SGCD: variants seen among roughly 807,000 people sequenced by gnomAD.
SGCD encodes delta-sarcoglycan.
In SGCD, 18 loss-of-function variants were observed where a neutral mutation model predicts 36.6. The observed-to-expected ratio is 0.49, with a 90% confidence interval of 0.34 to 0.73. The LOEUF is 0.73. Ranked by LOEUF, SGCD falls within the 30% of genes least tolerant of loss-of-function variation. The pLI, the probability that SGCD is intolerant of heterozygous loss-of-function variation, is 0.01. For synonymous variants in SGCD, 133 were observed against 130.6 expected (o/e 1.02, Z -0.12); for missense variants, 387 against 346.7 (o/e 1.12, Z -0.92).
Position 156,458,449 on chromosome 5 carries a change from C to G in SGCD, c.193-50152C>G. ...CCAATCTGAGGGTCAAACCCTGATT[C>G]CCATCCCCATGGCAGCTCATCCCCA... On this transcript the variant is annotated intron_variant, in intron 3 of 8. Transcript: ENST00000337851. 4 of 1,610,464 alleles carry G rather than the reference C, an allele frequency of 2.5e-6. No individual in the cohort carries two copies. In the Admixed American group the frequency reaches 6.7e-5, roughly 27 times the overall value.
At chr5:156,062,567 T>A (rs1434757847) in intron 1 of SGCD, among the ~76,000 whole-genome samples, 2 of 92,818 alleles carry the variant, frequency 2.2e-5, no homozygotes, top group Admixed American at 1.0e-4. Context: ...AAAGTGTTCC[T>A]ATTTCTCCGC....
chr5:156,086,893 G>A (rs568726226), intron 1 of SGCD, among the ~76,000 whole-genome samples: 1 of 152,292 alleles, frequency 6.6e-6, no homozygotes, highest in South Asian at 2.1e-4. Flanking sequence ...TATGGATAGT[G>A]GATATGCATT....
At chr5:156,721,334 C>A (rs970776430) in intron 7 of SGCD, among the ~76,000 whole-genome samples, 1 of 151,894 alleles carries the variant, frequency 6.6e-6, no homozygotes. Flanking sequence ...TGAGGAGGAA[C>A]CAGTATATAA....
At chr5:156,226,170 G>A (rs942315861) in intron 3 of SGCD, among the ~76,000 whole-genome samples, 4 of 152,054 alleles carry the variant, frequency 2.6e-5, no homozygotes, top group African/African-American at 7.2e-5. Context: ...TTCATCACCT[G>A]AGCAGTATAC....
At chr5:156,268,356 T>C (rs1399293086) in intron 3 of SGCD, among the ~76,000 whole-genome samples, 1 of 152,204 alleles carries the variant, frequency 6.6e-6, no homozygotes, top group East Asian at 1.9e-4. Context: ...TTGAGTGGAA[T>C]GATAGTTCTG....
At chr5:156,028,818 G>A (rs558529837) in intron 1 of SGCD, among the ~76,000 whole-genome samples, 1 of 152,086 alleles carries the variant, frequency 6.6e-6, no homozygotes, top group African/African-American at 2.4e-5. Context: ...ACAAGGAAGA[G>A]AATACAGCAT....
intron 1 of SGCD, among the ~76,000 whole-genome samples, chr5:156,074,660 A>G (rs1174991623): frequency 6.6e-6 from 1 of 152,224 alleles, no homozygotes; most frequent in African/African-American, 2.4e-5. Context: ...AGCCCGGGCA[A>G]GAAAGCGAGA....
intron 1 of SGCD, among the ~76,000 whole-genome samples, chr5:155,886,767 C>T (rs1057259211): frequency 2.6e-5 from 4 of 152,240 alleles, no homozygotes; most frequent in Admixed American, 6.5e-5. Flanking sequence ...CTGAGATGCT[C>T]AACTTCCCTG....
intron 7 of SGCD, among the ~76,000 whole-genome samples, chr5:156,737,137 C>G (rs1429105698): frequency 6.6e-6 from 1 of 152,182 alleles, no homozygotes; most frequent in Non-Finnish European, 1.5e-5. Context: ...TCACATCACC[C>G]AGAGTCTCTT....
Position 156,210,579 on chromosome 5 carries a change from A to G in SGCD, c.-44+86560A>G, listed in dbSNP as rs529499369. ...AGTTTAATGAAATCAAGAAAAGAAT[A>G]AATGACCTAAGCTAGAAATTTAACA... On this transcript the variant is annotated intron_variant, in intron 3 of 9. Transcript: ENST00000517913. Among the ~76,000 whole-genome samples, 3 of 152,250 alleles carry G rather than the reference A, an allele frequency of 2.0e-5. No individual in the cohort carries two copies. In the East Asian group the frequency reaches 5.8e-4, roughly 29 times the overall value.
chr5:155,740,077 A>AT, the SGCD span, among the ~76,000 whole-genome samples: 1 of 152,132 alleles, frequency 6.6e-6, no homozygotes, highest in African/African-American at 2.4e-5. Flanking sequence ...GCATTCATAT[A>AT]TTTTTATTGA....
intron 7 of SGCD, among the ~76,000 whole-genome samples, chr5:156,687,557 A>C (rs1753949609): frequency 6.6e-6 from 1 of 152,206 alleles, no homozygotes. Flanking sequence ...GAATGGGCCC[A>C]AAATGTTACT....
At chr5:156,499,216 A>C (rs1756343313) in intron 3 of SGCD, among the ~76,000 whole-genome samples, 1 of 152,166 alleles carries the variant, frequency 6.6e-6, no homozygotes, top group South Asian at 2.1e-4. Context: ...AGGGTTAATG[A>C]ATACAGTGCA....
At chr5:155,847,977 C>G in the SGCD span, among the ~76,000 whole-genome samples, 1 of 152,140 alleles carries the variant, frequency 6.6e-6, no homozygotes, top group African/African-American at 2.4e-5. Flanking sequence ...ATGATATATT[C>G]TTTGAAAACA....
chr5:156,071,573 G>A (rs536500125), intron 1 of SGCD, among the ~76,000 whole-genome samples: 3 of 152,288 alleles, frequency 2.0e-5, no homozygotes, highest in East Asian at 3.9e-4. Flanking sequence ...TTTTGGAATA[G>A]GTGTGGTGTG....
the SGCD span, among the ~76,000 whole-genome samples, chr5:155,755,933 A>G: frequency 6.6e-6 from 1 of 152,224 alleles, no homozygotes; most frequent in African/African-American, 2.4e-5. Flanking sequence ...TCATAAGAAA[A>G]GAAATCAATA....
At chr5:156,447,177 C>A (rs895528227) in intron 3 of SGCD, among the ~76,000 whole-genome samples, 1 of 152,138 alleles carries the variant, frequency 6.6e-6, no homozygotes, top group Non-Finnish European at 1.5e-5. Context: ...GATTAATTTA[C>A]ACTCCTTCTA....
intron 3 of SGCD, among the ~76,000 whole-genome samples, chr5:156,485,838 G>C (rs1222336262): frequency 6.6e-6 from 1 of 152,078 alleles, no homozygotes; most frequent in Non-Finnish European, 1.5e-5. Flanking sequence ...AAGTGAAGCA[G>C]CTAGTCCAGC....
At chr5:155,977,877 C>T (rs1042165149) in intron 1 of SGCD, among the ~76,000 whole-genome samples, 3 of 152,076 alleles carry the variant, frequency 2.0e-5, no homozygotes, top group African/African-American at 7.2e-5. Flanking sequence ...GGGCAGATCA[C>T]GAGGTCAGCA....
Sources: gnomAD v4.1 joint callset for allele counts (sites outside exome capture counted in the v4.1 genomes callset) on GRCh38, gnomAD v4.1.1 for gene constraint, MANE v1.5 for transcripts, NCBI Gene and HGNC (gene_info 2026-07-23, HGNC 2026-07-21) for gene names.